Variants in ZRANB1 observed in about 807,000 individuals in gnomAD.
The protein encoded by ZRANB1 is zinc finger RANBP2-type containing 1, also known as ubiquitin thioesterase ZRANB1.
ZRANB1 carries 16 observed loss-of-function variants against 80.5 expected under a neutral mutation model. That is an observed-to-expected ratio of 0.20 (90% confidence interval 0.13 to 0.30). The LOEUF (loss-of-function observed/expected upper bound fraction) is 0.30, where lower values mean the gene tolerates loss of function less well. ZRANB1 is among the 10% of genes least tolerant of loss of function. ZRANB1 has a pLI of 1.00. For synonymous variants in ZRANB1, 291 were observed against 293.1 expected (o/e 0.99, Z 0.07); for missense variants, 576 against 862.6 (o/e 0.67, Z 4.16).
intron 1 of ZRANB1, among the ~76,000 whole-genome samples, chr10:124,951,541 GA>G (rs934798597): frequency 6.6e-6 from 1 of 151,946 alleles, no homozygotes; most frequent in African/African-American, 2.4e-5. Context: ...CGATTGTGAA[GA>G]AAAAAATAGA....
chr10:124,954,678 C>T (rs897918669), intron 1 of ZRANB1, among the ~76,000 whole-genome samples: 4 of 149,198 alleles, frequency 2.7e-5, no homozygotes, highest in African/African-American at 9.9e-5. Flanking sequence ...GAACTCCTGA[C>T]CTCAGGTAAT....
upstream of ZRANB1, among the ~76,000 whole-genome samples, chr10:124,941,132 T>C (rs11245438): frequency 0.59 from 89,832 of 151,752 alleles, 30,251 homozygotes; most frequent in Non-Finnish European, 0.75. Context: ...GAAAAATAGG[T>C]GTTGGGATGA....
chr10:124,930,567 G>C, the ZRANB1 span, among the ~76,000 whole-genome samples: 15 of 152,022 alleles, frequency 9.9e-5, no homozygotes, highest in African/African-American at 3.1e-4. Context: ...TACCTGACCT[G>C]GTACATTTTC....
chr10:124,970,232 T>A (rs1191195297), intron 2 of ZRANB1, among the ~76,000 whole-genome samples: 1 of 152,176 alleles, frequency 6.6e-6, no homozygotes. Flanking sequence ...AAAGTCTAGT[T>A]GAACTGAATT....
At chr10:124,928,444 T>C in the ZRANB1 span, among the ~76,000 whole-genome samples, 1 of 152,084 alleles carries the variant, frequency 6.6e-6, no homozygotes, top group African/African-American at 2.4e-5. Context: ...ACTGTGAGTG[T>C]GTATTGGGAA....
At chr10:124,922,065 C>T in the ZRANB1 span, among the ~76,000 whole-genome samples, 8 of 151,580 alleles carry the variant, frequency 5.3e-5, no homozygotes. Flanking sequence ...CTTTAGCCTC[C>T]CAAGTAGCTG....
chr10:124,952,616 T>A (rs1433384376), intron 1 of ZRANB1, among the ~76,000 whole-genome samples: 1 of 150,316 alleles, frequency 6.7e-6, no homozygotes, highest in Admixed American at 6.6e-5. Context: ...AATAATATCT[T>A]TTTTTTTTTG....
intron 1 of ZRANB1, among the ~76,000 whole-genome samples, chr10:124,952,603 A>G (rs963753680): frequency 1.3e-5 from 2 of 151,594 alleles, no homozygotes; most frequent in African/African-American, 2.4e-5. Context: ...TTTTTTAAAA[A>G]CAAATAATAT....
intron 5 of ZRANB1, chr10:124,981,306 CTGT>C (rs1396977088): frequency 2.6e-5 from 4 of 153,032 alleles, no homozygotes; most frequent in Admixed American, 6.5e-5. Context: ...TATTTCCCAC[CTGT>C]TGTTTATACA....
At position 124,972,009 on chromosome 10, in the gene ZRANB1, T is replaced by C. The variant is rs370292215; in HGVS notation, c.1047T>C (p.Pro349=). The C allele has an allele frequency of 5.7e-5, 92 of 1,613,708 alleles. No individual in the cohort carries two copies. Among genetic ancestry groups the C allele is most frequent in the Middle Eastern group, 3.3e-4 (2 of 6,062 alleles). Residue 349 remains proline, a synonymous_variant, in exon 3 of 9, where the codon CCT becomes CCC. Transcript: ENST00000359653. ...AAKCIPAMVC[P]ELTEQIRREI... is the part of the protein sequence containing the mutation. The stretch of plus-strand genomic sequence containing the variant: ...AGTGTATTCCAGCAATGGTGTGTCC[T>C]GAACTGACAGAACAAATCCGGAGAG...
At chr10:124,979,980 C>T (rs559975472) in intron 5 of ZRANB1, among the ~76,000 whole-genome samples, 9 of 152,230 alleles carry the variant, frequency 5.9e-5, no homozygotes, top group East Asian at 3.9e-4. Flanking sequence ...CTTTGTATTT[C>T]TTTTTCAACA....
chr10:124,935,985 T>G, the ZRANB1 span, among the ~76,000 whole-genome samples: 1 of 151,962 alleles, frequency 6.6e-6, no homozygotes, highest in Non-Finnish European at 1.5e-5. Context: ...TTGCTTGGAG[T>G]GTACTTGGAG....
At chr10:124,933,569 TG>T in the ZRANB1 span, among the ~76,000 whole-genome samples, 1 of 152,228 alleles carries the variant, frequency 6.6e-6, no homozygotes, top group East Asian at 1.9e-4. Context: ...TTAAGAAAAC[TG>T]TGGTCTTTCA....
chr10:124,954,187 T>C (rs1399168049), intron 1 of ZRANB1, among the ~76,000 whole-genome samples: 1 of 128,206 alleles, frequency 7.8e-6, no homozygotes, highest in South Asian at 2.5e-4. Context: ...GGTTTCACCA[T>C]GTTGCCCAGG....
Position 124,942,129 on chromosome 10 carries a change from G to A in ZRANB1, c.-365G>A. On this transcript the variant is annotated 5_prime_UTR_variant, in exon 1 of 9. Coordinates refer to ENST00000359653, the MANE Select transcript of ZRANB1 (RefSeq NM_017580.3). The stretch of plus-strand genomic sequence containing the variant: ...GTTACTTTTCTAAATTGATGTGATG[G>A]CCTCCCTGAAATTAAACATTTCTAT... 9.5e-7 allele frequency: 1 copy of A among 1,051,046 alleles called. No individual in the cohort carries two copies. The highest frequency in any genetic ancestry group is 1.1e-6 in the Non-Finnish European group (1 of 870,820). The allele number at this position is 1,051,046 out of a possible 1,614,324, so 65.1% of individuals were successfully genotyped here.
intron 1 of ZRANB1, among the ~76,000 whole-genome samples, chr10:124,954,879 C>T (rs1951676558): frequency 6.6e-6 from 1 of 151,356 alleles, no homozygotes; most frequent in Non-Finnish European, 1.5e-5. Context: ...CCTGTAATCC[C>T]AGCACTTTGG....
At position 124,974,194 on chromosome 10, in the gene ZRANB1, G is replaced by T. The variant is rs374141728; in HGVS notation, c.1229-6G>T. The T allele has an allele frequency of 6.2e-7, 1 of 1,613,796 alleles. No homozygotes were observed. Among genetic ancestry groups the T allele is most frequent in the Non-Finnish European group, 8.5e-7 (1 of 1,179,722 alleles). ...AAATGAACATGTATTTAAATCCATCGTACAGAATTAGAAGAAGAATCTCCA... is the reference window on the plus strand; with the variant it reads ...AAATGAACATGTATTTAAATCCATCTTACAGAATTAGAAGAAGAATCTCCA... On this transcript the variant is annotated splice_polypyrimidine_tract_variant and splice_region_variant and intron_variant, in intron 4 of 8. Transcript: ENST00000359653.
At chr10:124,973,194 C>T (rs1951841432) in intron 3 of ZRANB1, among the ~76,000 whole-genome samples, 2 of 152,090 alleles carry the variant, frequency 1.3e-5, no homozygotes, top group South Asian at 2.1e-4. Context: ...ACTCTATCGC[C>T]TAGGCTGGAG....
rs771910142 is a variant in ZRANB1 at position 124,942,617 on chromosome 10, T to C, written c.124T>C (p.Phe42Leu). 6.2e-7 allele frequency: 1 copy of C among 1,614,202 alleles called. No individual in the cohort carries two copies. The highest frequency in any genetic ancestry group is 8.5e-7 in the Non-Finnish European group (1 of 1,180,034). ...TGGAACAATTATTACAGAAGATCCA[T>C]TTAAAAGTGGTTCAAGTGATGTTGG... Reference protein sequence around the residue: ...PSGTIITEDPFKSGSSDVGRD... With the variant: ...PSGTIITEDPLKSGSSDVGRD... The change falls in exon 1 of 9, where the codon TTT becomes CTT. Residue 42 changes from phenylalanine to leucine, a missense_variant. By Grantham distance (22) the Phe-to-Leu change is conservative. This residue lies in a region of ZRANB1 where 411 missense variants were observed against 583.1 expected (regional missense o/e 0.70). Coordinates refer to ENST00000359653, the MANE Select transcript of ZRANB1 (RefSeq NM_017580.3).
Sources: gnomAD v4.1 joint callset for allele counts (sites outside exome capture counted in the v4.1 genomes callset) on GRCh38, gnomAD v4.1.1 for gene constraint, gnomAD v4.1.1 regional missense constraint, MANE v1.5 for transcripts, NCBI Gene and HGNC (gene_info 2026-07-23, HGNC 2026-07-21) for gene names.